DMD: variants seen among roughly 807,000 people sequenced by gnomAD.
The protein encoded by DMD is mutant dystrophin.
DMD carries 63 observed loss-of-function variants against 330.1 expected under a neutral mutation model. The observed-to-expected ratio is 0.19, with a 90% confidence interval of 0.16 to 0.24. The LOEUF (loss-of-function observed/expected upper bound fraction) is 0.24, where lower values mean the gene tolerates loss of function less well. DMD is among the 10% of genes least tolerant of loss of function. DMD has a pLI of 1.00. For missense variants in DMD, 3,344 were observed against 2,684.1 expected (o/e 1.25, Z -5.43); for synonymous variants, 1,223 against 959.8 (o/e 1.27, Z -5.07).
At chrX:32,958,906 T>G (rs1015397076) in intron 2 of DMD, among the ~76,000 whole-genome samples, 4 of 110,245 alleles carry the variant, frequency 3.6e-5, no homozygotes. Flanking sequence ...TTAGATATCA[T>G]AAATGCAGCT....
At chrX:32,581,874 C>T (rs1028324509) in intron 13 of DMD, among the ~76,000 whole-genome samples, 16 of 111,669 alleles carry the variant, frequency 1.4e-4, no homozygotes, top group Non-Finnish European at 2.8e-4. Flanking sequence ...TAGTTTATTA[C>T]AGGAAGAAAG....
Position 33,119,226 on chromosome X carries a change from CAT to C in DMD, c.31+92054_31+92055del, listed in dbSNP as rs752987164. 4.5e-5 allele frequency among the ~76,000 whole-genome samples: 5 copies of C among 111,867 alleles called. No homozygotes were observed. In the South Asian group the frequency reaches 1.5e-3, roughly 33 times the overall value. ...TATGTCAAAAATATGTCATATATGT[CAT>C]ATATATGTTTTATATATATATATAC... On this transcript the variant is annotated intron_variant, in intron 1 of 78. Coordinates refer to ENST00000357033, the MANE Select transcript of DMD (RefSeq NM_004006.3).
intron 7 of DMD, among the ~76,000 whole-genome samples, chrX:32,728,782 G>A (rs767902864): frequency 9.0e-6 from 1 of 111,433 alleles, no homozygotes; most frequent in African/African-American, 3.3e-5. Context: ...CTTCCTGTTG[G>A]ATTTATTCTT....
intron 60 of DMD, among the ~76,000 whole-genome samples, chrX:31,422,788 CA>C (rs1395157621): frequency 9.0e-6 from 1 of 110,918 alleles, no homozygotes; most frequent in African/African-American, 3.3e-5. Flanking sequence ...TCATGTGAGG[CA>C]AAAGATGGCT....
At chrX:31,886,162 C>T (rs2094151436) in intron 47 of DMD, among the ~76,000 whole-genome samples, 1 of 110,940 alleles carries the variant, frequency 9.0e-6, no homozygotes, top group Non-Finnish European at 1.9e-5. Flanking sequence ...AACTTCTGTA[C>T]TTAAAAAATA....
At chrX:32,873,078 G>A (rs770984708) in intron 2 of DMD, among the ~76,000 whole-genome samples, 1 of 111,080 alleles carries the variant, frequency 9.0e-6, no homozygotes, top group East Asian at 2.8e-4. Flanking sequence ...CCCAGCCTCC[G>A]ATTCTTTTAG....
At chrX:31,621,015 C>T (rs2078503770) in intron 55 of DMD, among the ~76,000 whole-genome samples, 1 of 111,694 alleles carries the variant, frequency 9.0e-6, no homozygotes, top group South Asian at 3.8e-4. Context: ...CTTAGATTTA[C>T]ATTCACAACT....
chrX:31,825,994 C>T (rs1293640368), intron 49 of DMD, among the ~76,000 whole-genome samples: 1 of 111,518 alleles, frequency 9.0e-6, no homozygotes, highest in Admixed American at 9.6e-5. Context: ...TTATGCGCTG[C>T]TCAATGAAGC....
chrX:32,386,303 C>G lies in DMD; in HGVS notation c.4674+7G>C. The G allele has an allele frequency of 8.3e-7, 1 of 1,208,228 alleles. No individual in the cohort carries two copies. Among genetic ancestry groups the G allele is most frequent in the Non-Finnish European group, 1.1e-6 (1 of 892,903 alleles). Reference sequence around the variant, plus strand: ...AAGAAGTGTTTGTGGTCTCAGCATGCACACACCTTTGCTCCCAGCTCATTA... The same window carrying G: ...AAGAAGTGTTTGTGGTCTCAGCATGGACACACCTTTGCTCCCAGCTCATTA... On this transcript the variant is annotated splice_region_variant and intron_variant, in intron 33 of 78. Coordinates refer to ENST00000357033, the MANE Select transcript of DMD (RefSeq NM_004006.3).
At chrX:32,640,382 A>G (rs1324687048) in intron 11 of DMD, among the ~76,000 whole-genome samples, 1 of 110,076 alleles carries the variant, frequency 9.1e-6, no homozygotes, top group African/African-American at 3.3e-5. Flanking sequence ...GTTCACATAA[A>G]TAAGTGTTTG....
intron 1 of DMD, among the ~76,000 whole-genome samples, chrX:33,231,144 C>T (rs902906292): frequency 9.0e-6 from 1 of 111,238 alleles, no homozygotes; most frequent in African/African-American, 3.3e-5. Context: ...TCAAGGGTGA[C>T]GTGCATATGT....
In DMD at chrX:33,117,038, T is replaced by C. The variant is rs190203360; in HGVS notation, c.31+94244A>G. 6.0e-3 allele frequency among the ~76,000 whole-genome samples: 642 copies of C among 106,594 alleles called. 3 individuals carry two copies. The highest frequency in any genetic ancestry group is 0.021 in the African/African-American group (616 of 29,253). The allele number at this position is 106,594 out of a possible 115,157, so 92.6% of individuals were successfully genotyped here. A position where few individuals can be genotyped will look rare whatever the true frequency, so the allele number is the denominator to read the frequency against. On this transcript the variant is annotated intron_variant, in intron 1 of 78. Transcript: ENST00000357033. ...TACATAGTCATTAAAAACACTACTA[T>C]TATAGCTCAATTTCACCAGGCCACA... is the stretch of plus-strand genomic sequence containing the variant.
At chrX:32,970,104 T>C (rs2092328427) in intron 2 of DMD, among the ~76,000 whole-genome samples, 1 of 94,814 alleles carries the variant, frequency 1.1e-5, no homozygotes, top group Non-Finnish European at 2.0e-5. Flanking sequence ...ATAACTTTGA[T>C]CAGATGAGAC....
intron 57 of DMD, among the ~76,000 whole-genome samples, chrX:31,490,473 G>A (rs972090412): frequency 9.0e-6 from 1 of 111,496 alleles, no homozygotes; most frequent in South Asian, 3.8e-4. Flanking sequence ...GGAGAATGGC[G>A]TGAACCCAGG....
chrX:32,185,746 T>G (rs946191486), intron 44 of DMD, among the ~76,000 whole-genome samples: 3 of 110,799 alleles, frequency 2.7e-5, no homozygotes, highest in African/African-American at 9.8e-5. Context: ...TTAAAAAAAC[T>G]GAATAAATAG....
chrX:32,644,077 T>C lies in DMD; in HGVS notation c.1331+55A>G, dbSNP rs6628728. 31,649 of 1,042,695 alleles carry C rather than the reference T, an allele frequency of 0.03. 544 individuals carry two copies. Among genetic ancestry groups the C allele is most frequent in the African/African-American group, 0.11 (5,696 of 53,440 alleles). 85.9% of individuals were successfully genotyped at this position (1,042,695 alleles called of 1,213,427 possible). A position where few individuals can be genotyped will look rare whatever the true frequency, so the allele number is the denominator to read the frequency against. On this transcript the variant is annotated intron_variant, in intron 11 of 78. Coordinates refer to ENST00000357033, the MANE Select transcript of DMD (RefSeq NM_004006.3). Reference sequence around the variant, plus strand: ...TAACCATCAAACCACATCAAAATAATCACAAGCTTCCAAAACTTGTTAGTC... The same window carrying C: ...TAACCATCAAACCACATCAAAATAACCACAAGCTTCCAAAACTTGTTAGTC...
At chrX:32,789,218 A>G (rs1241065830) in intron 7 of DMD, among the ~76,000 whole-genome samples, 1 of 112,199 alleles carries the variant, frequency 8.9e-6, no homozygotes, top group Non-Finnish European at 1.9e-5. Context: ...CAGCTAGTCT[A>G]TTTTTACTTT....
chrX:31,256,528 A>G (rs1481112354), intron 63 of DMD, among the ~76,000 whole-genome samples: 1 of 109,099 alleles, frequency 9.2e-6, no homozygotes, highest in Non-Finnish European at 1.9e-5. Flanking sequence ...TGTTGGAAAT[A>G]ATCTAAAATT....
intron 20 of DMD, among the ~76,000 whole-genome samples, chrX:32,487,744 G>A (rs753137594): frequency 2.7e-5 from 3 of 110,815 alleles, no homozygotes; most frequent in Non-Finnish European, 3.8e-5. Context: ...AATCTCTGAC[G>A]ATTCAATCGT....
Sources: allele counts gnomAD v4.1 joint callset (sites outside exome capture counted in the v4.1 genomes callset), GRCh38; gene constraint gnomAD v4.1.1; transcripts MANE v1.5; gene names NCBI Gene and HGNC (gene_info 2026-07-23, HGNC 2026-07-21).